The following PRDM5 variants were observed in gnomAD, a reference collection of about 807,000 sequenced individuals.
PRDM5 encodes the protein PR/SET domain 5.
In PRDM5, 56 loss-of-function variants were observed where a neutral mutation model predicts 81.2. The observed-to-expected ratio is 0.69, with a 90% CI of 0.56 to 0.86. The LOEUF (loss-of-function observed/expected upper bound fraction) is 0.86, where lower values mean the gene tolerates loss of function less well. Ranked by LOEUF, PRDM5 falls within the 40% of genes least tolerant of loss-of-function variation. PRDM5 has a pLI of 0.00. For missense variants in PRDM5, 697 were observed against 770.1 expected, an observed-to-expected ratio of 0.91 and a Z score of 1.12; for synonymous variants, 267 against 256.4, an observed-to-expected ratio of 1.04 and a Z score of -0.39.
intron 2 of PRDM5, among the ~76,000 whole-genome samples, chr4:120,888,507 C>T (rs1488180937): frequency 6.6e-6 from 1 of 152,088 alleles, no homozygotes; most frequent in Non-Finnish European, 1.5e-5. Context: ...TGTATTTGTC[C>T]ATTTACTAGT....
chr4:120,710,207 A>C, intron 15 of PRDM5, 102 bp downstream of exon 15: 1 of 866,690 alleles, frequency 1.2e-6, no homozygotes, highest in South Asian at 1.6e-5. Flanking sequence ...CAGCAATGCA[A>C]CACACACACA....
At chr4:120,702,618 C>A (rs1735547542) in intron 15 of PRDM5, among the ~76,000 whole-genome samples, 1 of 152,106 alleles carries the variant, frequency 6.6e-6, no homozygotes, top group South Asian at 2.1e-4. Context: ...TTGATAGATT[C>A]AATGATTGAT....
intron 10 of PRDM5, among the ~76,000 whole-genome samples, chr4:120,795,140 GA>G (rs1218053995): frequency 1.3e-5 from 2 of 152,070 alleles, no homozygotes; most frequent in African/African-American, 4.8e-5. Context: ...TTCTTTTTTT[GA>G]ATAGGCACAC....
intron 2 of PRDM5, among the ~76,000 whole-genome samples, chr4:120,891,448 T>A (rs914765960): frequency 6.6e-6 from 1 of 152,154 alleles, no homozygotes; most frequent in Non-Finnish European, 1.5e-5. Context: ...TAACTAGTGG[T>A]CCATTGACCT....
chr4:120,793,773 CAG>C (rs142310700), intron 10 of PRDM5, among the ~76,000 whole-genome samples: 8,656 of 152,064 alleles, frequency 0.057, 372 homozygotes, highest in Middle Eastern at 0.15. Flanking sequence ...TTAAAATTAA[CAG>C]AGTAGATTTT....
chr4:120,843,004 T>G (rs1758196961), intron 3 of PRDM5, among the ~76,000 whole-genome samples: 3 of 152,154 alleles, frequency 2.0e-5, no homozygotes. Context: ...CAAAAACATC[T>G]GAGAGCAGGC....
chr4:120,756,209 T>C (rs546809804), intron 13 of PRDM5, among the ~76,000 whole-genome samples: 18 of 152,202 alleles, frequency 1.2e-4, no homozygotes, highest in Non-Finnish European at 2.6e-4. Context: ...TCCAGATCTC[T>C]ATTGAGCCCC....
intron 1 of PRDM5, among the ~76,000 whole-genome samples, chr4:120,917,165 C>T (rs1013417453): frequency 2.6e-5 from 4 of 152,214 alleles, no homozygotes; most frequent in Admixed American, 6.5e-5. Flanking sequence ...TTGCTCATTG[C>T]ATTCCAGCCA....
chr4:120,697,463 C>T lies in PRDM5; in HGVS notation c.1729-2188G>A, dbSNP rs543940448. Among the ~76,000 whole-genome samples the T allele has an allele frequency of 7.3e-5, 11 of 151,670 alleles. No individual in the cohort carries two copies. In the East Asian group the frequency reaches 2.1e-3, roughly 29 times the overall value. ...GCCAATTAAAATTAATAAGCATATT[C>T]ATTTTGATATAATCAGATTTAGAAA... On this transcript the variant is annotated intron_variant, in intron 15 of 15. Transcript: ENST00000264808.
Position 120,863,191 on chromosome 4 carries a change from T to TATACACACACACAC in PRDM5, c.178-9652_178-9651insGTGTGTGTGTGTAT, listed in dbSNP as rs1553997193. On this transcript the variant is annotated intron_variant, in intron 2 of 15. Coordinates refer to ENST00000264808, the MANE Select transcript of PRDM5 (RefSeq NM_018699.4). ...AAAAAAAAAAATATATATATATATATACACACACACACACACACACACACA... is the reference window on the plus strand; with the variant it reads ...AAAAAAAAAAATATATATATATATATATACACACACACACACACACACACACACACACACACACA... Among the ~76,000 whole-genome samples the TATACACACACACAC allele has an allele frequency of 4.7e-4, 33 of 70,282 alleles. No individual in the cohort carries two copies. The East Asian group carries it at 5.6e-3, about 12-fold the overall frequency. 46.1% of individuals were successfully genotyped at this position (70,282 alleles called of 152,430 possible).
chr4:120,750,059 C>T (rs1322014374), intron 14 of PRDM5, among the ~76,000 whole-genome samples: 1 of 58,628 alleles, frequency 1.7e-5, no homozygotes, highest in Non-Finnish European at 3.3e-5. Context: ...GACACATGTG[C>T]CTATAGAGCA....
chr4:120,695,212 T>C lies in PRDM5; in HGVS notation c.1792A>G (p.Asn598Asp). 6.2e-7 allele frequency: 1 copy of C among 1,613,644 alleles called. No homozygotes were observed. Residue 598 changes from asparagine to aspartate, a missense_variant, in exon 16 of 16, where the codon AAT becomes GAT. Physicochemically the swap from Asn to Asp is conservative, Grantham distance 23. Around this residue, in one of 3 missense-constraint regions of PRDM5, gnomAD observed 86 missense variants for 135.2 expected, o/e 0.64. Transcript: ENST00000264808. The part of the protein sequence containing the change: ...LIRHKMTHNP[N>D]RPLAECQFCH... The stretch of plus-strand genomic sequence containing the variant: ...AACTGGCATTCTGCCAGGGGACGAT[T>C]GGGATTATGAGTCATCTTGTGTCGA...
At chr4:120,696,034 G>C (rs2148986363) in intron 15 of PRDM5, among the ~76,000 whole-genome samples, 1 of 152,056 alleles carries the variant, frequency 6.6e-6, no homozygotes, top group Middle Eastern at 3.4e-3. Context: ...GGTTAGGCTT[G>C]GGAAAACCTT....
chr4:120,922,701 G>T lies in PRDM5; in HGVS notation c.-93C>A. Reference sequence around the variant, plus strand: ...AAATTTGGGGTGCCAGGGTAGAGGGGAGAAACCGGCAGGGAAGGAGGAAAT... The same window carrying T: ...AAATTTGGGGTGCCAGGGTAGAGGGTAGAAACCGGCAGGGAAGGAGGAAAT... On this transcript the variant is annotated 5_prime_UTR_variant, in exon 1 of 16. Transcript: ENST00000264808. 6.7e-7 allele frequency: 1 copy of T among 1,493,886 alleles called. No homozygotes were observed. The allele number at this position is 1,493,886 out of a possible 1,614,324, so 92.5% of individuals were successfully genotyped here.
At chr4:120,745,951 C>T (rs1207474141) in intron 14 of PRDM5, among the ~76,000 whole-genome samples, 1,594 of 150,288 alleles carry the variant, frequency 0.011, 20 homozygotes, top group Middle Eastern at 0.075. Flanking sequence ...TCATATGGAA[C>T]CAAAAAAGAG....
intron 10 of PRDM5, among the ~76,000 whole-genome samples, chr4:120,789,310 C>G (rs1410899765): frequency 6.6e-6 from 1 of 152,092 alleles, no homozygotes; most frequent in Admixed American, 6.6e-5. Flanking sequence ...ACATTAATTA[C>G]CAGATTAATA....
chr4:120,853,361 A>G, intron 3 of PRDM5, 57 bp downstream of exon 3: 1 of 1,611,016 alleles, frequency 6.2e-7, no homozygotes, highest in Middle Eastern at 1.7e-4. Context: ...GTACAGTCAT[A>G]TATTAATTCA....
At chr4:120,828,714 G>C (rs1376099) in intron 3 of PRDM5, among the ~76,000 whole-genome samples, 38,352 of 151,838 alleles carry the variant, frequency 0.25, 5,627 homozygotes, top group East Asian at 0.36. Context: ...AGTTAACTTT[G>C]TGGCCTCAGT....
chr4:120,853,743 G>A (rs1264107032), intron 2 of PRDM5, among the ~76,000 whole-genome samples: 3 of 152,182 alleles, frequency 2.0e-5, no homozygotes, highest in African/African-American at 7.2e-5. Flanking sequence ...ATGTCTAGAT[G>A]ACTCACAATT....
Sources: gnomAD v4.1 joint callset for allele counts (sites outside exome capture counted in the v4.1 genomes callset) on GRCh38, gnomAD v4.1.1 for gene constraint, gnomAD v4.1.1 regional missense constraint, MANE v1.5 for transcripts, NCBI Gene and HGNC (gene_info 2026-07-23, HGNC 2026-07-21) for gene names.